KCNQ1: variants seen among roughly 807,000 people sequenced by gnomAD.
KCNQ1 encodes the protein potassium voltage-gated channel subfamily Q member 1.
In KCNQ1, 49 loss-of-function variants were observed where a neutral mutation model predicts 72.4. The observed-to-expected ratio is 0.68, with a 90% CI of 0.54 to 0.86. KCNQ1 has a LOEUF of 0.86. Ranked by LOEUF, KCNQ1 falls within the 40% of genes least tolerant of loss-of-function variation. KCNQ1 has a pLI of 0.00. For missense variants in KCNQ1, 790 were observed against 945.1 expected (o/e 0.84, Z 2.15); for synonymous variants, 450 against 412.6 (o/e 1.09, Z -1.10).
In KCNQ1 at chr11:2,704,549, G is replaced by T. The variant is rs2283197; in HGVS notation, c.1514+42468G>T. 0.033 allele frequency among the ~76,000 whole-genome samples: 5,008 copies of T among 152,084 alleles called. 121 individuals are homozygous for T. The highest frequency in any genetic ancestry group is 0.095 in the South Asian group (457 of 4,822). ...CAGTGGGGAGTCTCTAGGAGGTTTT[G>T]GGCAAGGCAGTGCCAAGGATCAGAT... On this transcript the variant is annotated intron_variant, in intron 11 of 15. Transcript: ENST00000155840. This position sits in a 1 kb window ranked among gnomAD's most constrained non-coding sequence, Gnocchi z 4.3.
chr11:2,575,823 G>A (rs1203020363), intron 6 of KCNQ1, among the ~76,000 whole-genome samples: 2 of 152,196 alleles, frequency 1.3e-5, no homozygotes, highest in Non-Finnish European at 2.9e-5. Flanking sequence ...GGGTGCTGGA[G>A]CTGCCACAAC....
At position 2,483,991 on chromosome 11, in the gene KCNQ1, ATTTG is replaced by A. The variant is rs749749820; in HGVS notation, c.386+38511_386+38514del. Among the ~76,000 whole-genome samples the A allele has an allele frequency of 6.6e-6, 1 of 151,920 alleles. No homozygotes were observed. Among genetic ancestry groups the A allele is most frequent in the Admixed American group, 6.6e-5 (1 of 15,260 alleles). ...AGTCTGTGGTGCTTGCCAAATGGGGATTTGTTTATTTCCCACTTTCTTTCTATGT... is the reference window on the plus strand; with the variant it reads ...AGTCTGTGGTGCTTGCCAAATGGGGATTTATTTCCCACTTTCTTTCTATGT... On this transcript the variant is annotated intron_variant, in intron 1 of 15. Coordinates refer to ENST00000155840, the MANE Select transcript of KCNQ1 (RefSeq NM_000218.3). This position sits in a 1 kb window ranked among gnomAD's most constrained non-coding sequence, Gnocchi z 6.1.
At chr11:2,480,436 AAG>A (rs1436136218) in intron 1 of KCNQ1, among the ~76,000 whole-genome samples, 1 of 152,248 alleles carries the variant, frequency 6.6e-6, no homozygotes, top group Non-Finnish European at 1.5e-5. Flanking sequence ...GCAGCTGGCA[AAG>A]AGAGAATGAA....
In KCNQ1 at chr11:2,516,549, G is replaced by A. The variant is rs1249413861; in HGVS notation, c.387-11379G>A. ...CCCAATTCGGTTGCCCTTGCTTGAT[G>A]TTTACATGCCACTGTTGGGTGCTCC... On this transcript the variant is annotated intron_variant, in intron 1 of 15. Transcript: ENST00000155840. The surrounding 1 kb of genome is among the most constrained non-coding windows in gnomAD (Gnocchi z 7.0). 6.6e-6 allele frequency among the ~76,000 whole-genome samples: 1 copy of A among 152,120 alleles called. No individual in the cohort carries two copies. Among genetic ancestry groups the A allele is most frequent in the East Asian group, 1.9e-4 (1 of 5,174 alleles).
At chr11:2,753,795 G>A (rs1398220633) in intron 11 of KCNQ1, among the ~76,000 whole-genome samples, 1 of 152,094 alleles carries the variant, frequency 6.6e-6, no homozygotes, top group East Asian at 1.9e-4. Flanking sequence ...CTTTGGCCGG[G>A]GACACACACA....
chr11:2,729,890 TGGAGGACCTTACAGTGTCCCCAAAGC>T (rs1298034594), intron 11 of KCNQ1, among the ~76,000 whole-genome samples: 1 of 152,062 alleles, frequency 6.6e-6, no homozygotes, highest in African/African-American at 2.4e-5. Context: ...GATGGGGTCG[TGGAGGACCTTACAGTGTCCCCAAAGC>T]GAGGTGAATC....
intron 11 of KCNQ1, among the ~76,000 whole-genome samples, chr11:2,706,244 T>G (rs1850909578): frequency 6.6e-6 from 1 of 152,238 alleles, no homozygotes; most frequent in African/African-American, 2.4e-5. Context: ...CTTCCAAGAC[T>G]AGGCCTTGCA....
intron 1 of KCNQ1, among the ~76,000 whole-genome samples, chr11:2,506,504 G>A (rs886359486): frequency 6.6e-6 from 1 of 152,172 alleles, no homozygotes; most frequent in Non-Finnish European, 1.5e-5. Context: ...AAATAATGTT[G>A]CAAAGTATAG....
In KCNQ1 at chr11:2,687,087, T is replaced by G. The variant is rs1590032490; in HGVS notation, c.1514+25006T>G. The G allele has an allele frequency of 2.5e-6, 1 of 398,576 alleles. No homozygotes were observed. The highest frequency in any genetic ancestry group is 3.6e-5 in the East Asian group (1 of 28,068). The allele number at this position is 398,576 out of a possible 1,614,324, so 24.7% of individuals were successfully genotyped here. A position where few individuals can be genotyped will look rare whatever the true frequency, so the allele number is the denominator to read the frequency against. The stretch of plus-strand genomic sequence containing the variant: ...ACAAAGTGATGCAAGATATCCTGAG[T>G]TGGGTGTGACAAGTACACCTTGACA... On this transcript the variant is annotated intron_variant, in intron 11 of 15. Coordinates refer to ENST00000155840, the MANE Select transcript of KCNQ1 (RefSeq NM_000218.3). This position sits in a 1 kb window ranked among gnomAD's most constrained non-coding sequence, Gnocchi z 5.0.
chr11:2,649,036 A>G (rs995465815), intron 10 of KCNQ1: 1 of 344,334 alleles, frequency 2.9e-6, no homozygotes, highest in African/African-American at 3.1e-5. Context: ...CTACTCCTGC[A>G]TGCTTTTGGT....
chr11:2,673,964 G>A lies in KCNQ1; in HGVS notation c.1514+11883G>A, dbSNP rs1850237673. 4.5e-6 allele frequency: 1 copy of A among 223,818 alleles called. No individual in the cohort carries two copies. The highest frequency in any genetic ancestry group is 9.3e-5 in the East Asian group (1 of 10,800). 13.9% of individuals were successfully genotyped at this position (223,818 alleles called of 1,614,324 possible). On this transcript the variant is annotated intron_variant, in intron 11 of 15. Transcript: ENST00000155840. This position sits in a 1 kb window ranked among gnomAD's most constrained non-coding sequence, Gnocchi z 4.5. Reference sequence around the variant, plus strand: ...CCCCATGAGTGACAGCAGCCACAAGGGGATGCCCAGCATTGGGGGTGGGGT... The same window carrying A: ...CCCCATGAGTGACAGCAGCCACAAGAGGATGCCCAGCATTGGGGGTGGGGT...
intron 11 of KCNQ1, chr11:2,667,866 T>G: frequency 2.5e-6 from 1 of 398,572 alleles, no homozygotes; most frequent in Non-Finnish European, 4.4e-6. Flanking sequence ...TGCACACAGA[T>G]TAGTACACAG....
chr11:2,665,702 G>A, intron 11 of KCNQ1: 1 of 398,386 alleles, frequency 2.5e-6, no homozygotes, highest in Admixed American at 4.4e-5. Context: ...AGAAGGGCAT[G>A]TATAGCCCTC....
chr11:2,660,635 A>G, intron 10 of KCNQ1: 1 of 398,662 alleles, frequency 2.5e-6, no homozygotes, highest in Non-Finnish European at 4.4e-6. Context: ...TATTCAACAC[A>G]GATGGAAATA....
At chr11:2,583,054 G>A (rs1461834883) in intron 6 of KCNQ1, among the ~76,000 whole-genome samples, 4 of 152,166 alleles carry the variant, frequency 2.6e-5, no homozygotes, top group Non-Finnish European at 2.9e-5. Flanking sequence ...GGGAGCTCCC[G>A]GTCTCCTGGG....
At chr11:2,524,672 G>A (rs1431305908) in intron 1 of KCNQ1, among the ~76,000 whole-genome samples, 1 of 152,228 alleles carries the variant, frequency 6.6e-6, no homozygotes, top group Non-Finnish European at 1.5e-5. Flanking sequence ...AGCACTGGCA[G>A]CTTCCGGCTT....
chr11:2,649,241 T>C (rs1849719827), intron 10 of KCNQ1: 2 of 398,456 alleles, frequency 5.0e-6, no homozygotes, highest in Admixed American at 4.4e-5. Context: ...GAGGACTTAC[T>C]CCTGTCATTT....
rs551895318 is a variant in KCNQ1 at position 2,792,125 on chromosome 11, C to T, written c.1794+14088C>T. ...CCATTCATGCCTTCCCGGGTCCCTC[C>T]GCCACCCCTGCAGGCCCGGCGTCCC... On this transcript the variant is annotated intron_variant, in intron 15 of 15. Transcript: ENST00000155840. Among the ~76,000 whole-genome samples, 19 of 152,306 alleles carry T rather than the reference C, an allele frequency of 1.2e-4. No homozygotes were observed. In the East Asian group the frequency reaches 1.7e-3, roughly 14 times the overall value.
Position 2,662,094 on chromosome 11 carries a change from A to C in KCNQ1, c.1514+13A>C. On this transcript the variant is annotated intron_variant, in intron 11 of 15. Coordinates refer to ENST00000155840, the MANE Select transcript of KCNQ1 (RefSeq NM_000218.3). ...CCCACATCTCACAGTGAGTGCCTAC[A>C]TGTGCGTGAAGGGCTGGGCTGGAGG... The C allele has an allele frequency of 6.2e-7, 1 of 1,614,146 alleles. No individual in the cohort carries two copies. Among genetic ancestry groups the C allele is most frequent in the Non-Finnish European group, 8.5e-7 (1 of 1,180,026 alleles).
Sources: gnomAD v4.1 joint callset for allele counts (sites outside exome capture counted in the v4.1 genomes callset) on GRCh38, gnomAD v4.1.1 for gene constraint, Gnocchi (gnomAD v3.1) non-coding constraint, MANE v1.5 for transcripts, NCBI Gene and HGNC (gene_info 2026-07-23, HGNC 2026-07-21) for gene names.